The following TOP2B variants were observed in gnomAD, a reference collection of about 807,000 sequenced individuals.
The protein encoded by TOP2B is DNA topoisomerase II beta.
A neutral mutation model predicts 193.5 loss-of-function variants in TOP2B; 51 were observed. The ratio of observed to expected loss-of-function variants is 0.26; its 90% CI spans 0.21 to 0.33. TOP2B has a LOEUF of 0.33. TOP2B is among the 10% of genes least tolerant of loss of function. The pLI is 1.00. For missense variants in TOP2B, 1,378 were observed against 1,909.3 expected (o/e 0.72, Z 5.19); for synonymous variants, 634 against 635.7 (o/e 1.00, Z 0.04).
chr3:25,642,439 A>C (rs11705878), intron 3 of TOP2B, 54 bp from the exon 4 acceptor site: 121,381 of 1,154,556 alleles, frequency 0.11, 7,216 homozygotes, highest in African/African-American at 0.2. Flanking sequence ...AAATAAATAC[A>C]TGGACACAAC....
chr3:25,629,253 T>C, intron 13 of TOP2B, 108 bp from the exon 14 acceptor site: 1 of 715,324 alleles, frequency 1.4e-6, no homozygotes, highest in Non-Finnish European at 2.2e-6. Flanking sequence ...TTCTGAATTT[T>C]AGAAATGCAT....
intron 21 of TOP2B, among the ~76,000 whole-genome samples, chr3:25,621,925 G>T (rs894372412): frequency 6.6e-6 from 1 of 151,732 alleles, no homozygotes; most frequent in Non-Finnish European, 1.5e-5. Flanking sequence ...GGAGACAGAG[G>T]TTGCAGTGAC....
chr3:25,641,211 T>C (rs139312178), intron 4 of TOP2B, among the ~76,000 whole-genome samples: 2 of 151,914 alleles, frequency 1.3e-5, no homozygotes, highest in Non-Finnish European at 2.9e-5. Flanking sequence ...AACTAAACAA[T>C]TGCAACTATG....
At chr3:25,647,174 T>G (rs1361151597) in intron 1 of TOP2B, among the ~76,000 whole-genome samples, 2 of 152,244 alleles carry the variant, frequency 1.3e-5, no homozygotes, top group Non-Finnish European at 2.9e-5. Context: ...TCTAATCGTA[T>G]TCTTTGCTTT....
chr3:25,640,591 G>A (rs777917659), intron 4 of TOP2B, among the ~76,000 whole-genome samples: 37 of 151,978 alleles, frequency 2.4e-4, no homozygotes, highest in Non-Finnish European at 1.9e-4. Flanking sequence ...AATGTTTGCT[G>A]ATTAAAAACA....
In TOP2B at chr3:25,643,874, T is replaced by C. The variant is rs754155684; in HGVS notation, c.241-90A>G. ...AATCCACATCCTGTCATTTACACTA[T>C]ATGAATACTTAGATCTGCAAAGTAG... On this transcript the variant is annotated intron_variant, in intron 2 of 35. Transcript: ENST00000264331. 4.0e-4 allele frequency: 350 copies of C among 867,430 alleles called. 1 individual carries two copies. The highest frequency in any genetic ancestry group is 5.7e-4 in the Non-Finnish European group (304 of 533,754). 53.7% of individuals were successfully genotyped at this position (867,430 alleles called of 1,614,324 possible).
At chr3:25,632,643 T>G in intron 9 of TOP2B, 50 bp downstream of exon 9, 1 of 1,600,866 alleles carries the variant, frequency 6.2e-7, no homozygotes, top group African/African-American at 1.3e-5. Context: ...ATTCAGTATA[T>G]ATATAATGCA....
rs1042845339 is a variant in TOP2B, at chr3:25,614,802, T to C, written c.3591+403A>G. The stretch of plus-strand genomic sequence containing the variant: ...TTAGAATTCTACTTGGAAAAAACTA[T>C]GTTATAACAATCAAATATTGAAATG... On this transcript the variant is annotated intron_variant, in intron 27 of 35. Transcript: ENST00000264331. Among the ~76,000 whole-genome samples, 10 of 152,038 alleles carry C rather than the reference T, an allele frequency of 6.6e-5. 1 individual carries two copies. Among genetic ancestry groups the C allele is most frequent in the Admixed American group, 5.9e-4 (9 of 15,260 alleles).
At chr3:25,651,476 G>C (rs1408254429) in intron 1 of TOP2B, among the ~76,000 whole-genome samples, 1 of 144,886 alleles carries the variant, frequency 6.9e-6, no homozygotes, top group African/African-American at 2.6e-5. Flanking sequence ...AAACACAAAA[G>C]AAGGCAGCAA....
At chr3:25,660,998 A>ATTT (rs11460770) in intron 1 of TOP2B, among the ~76,000 whole-genome samples, 81 of 131,452 alleles carry the variant, frequency 6.2e-4, no homozygotes, top group African/African-American at 2.2e-3. Context: ...TCTTAGGTTG[A>ATTT]TTTTTTTTTT....
Position 25,615,295 on chromosome 3 carries a change from T to C in TOP2B, c.3508-7A>G. ...GATCATTGACCTCTCGCCCCTATAA[T>C]AAAAAAGTACAGTTTAAACATTCAA... On this transcript the variant is annotated splice_polypyrimidine_tract_variant and splice_region_variant and intron_variant, in intron 26 of 35. Transcript: ENST00000264331. 1 of 1,604,002 alleles carries C rather than the reference T, an allele frequency of 6.2e-7. No individual in the cohort carries two copies. Among genetic ancestry groups the C allele is most frequent in the Non-Finnish European group, 8.5e-7 (1 of 1,176,124 alleles).
At chr3:25,630,577 A>G (rs1451331795) in intron 11 of TOP2B, 108 bp from the exon 12 acceptor site, 36 of 988,332 alleles carry the variant, frequency 3.6e-5, no homozygotes, top group African/African-American at 3.3e-5. Flanking sequence ...AAAGACTATA[A>G]AAGTTATTTT....
rs1702718444 is a variant in TOP2B, at chr3:25,623,553, C to A, written c.2689G>T (p.Val897Phe). Residue 897 changes from valine to phenylalanine, a missense_variant, in exon 21 of 36, where the codon GTC (valine) becomes TTC (phenylalanine). By Grantham distance (50) the Val-to-Phe change is conservative. Around this residue, in one of 9 missense-constraint regions of TOP2B, gnomAD observed 379 missense variants for 615.1 expected, o/e 0.62. Transcript: ENST00000264331. Reference protein sequence around the residue: ...NYDAREIVNNVRRMLDGLDPH... With the variant: ...NYDAREIVNNFRRMLDGLDPH... ...TCCAGGCCATCTAGCATTCGTCTGA[C>A]ATTGTTCACAATTTCCCTAGCATCA... is the stretch of plus-strand genomic sequence containing the variant. 1.9e-6 allele frequency: 3 copies of A among 1,613,958 alleles called. No individual in the cohort carries two copies. In the East Asian group the frequency reaches 6.7e-5, roughly 36 times the overall value.
chr3:25,651,121 T>C lies in TOP2B; in HGVS notation c.70-5651A>G, dbSNP rs930692713. 3.3e-5 allele frequency among the ~76,000 whole-genome samples: 5 copies of C among 152,200 alleles called. No individual in the cohort carries two copies. The East Asian group carries it at 5.8e-4, about 18-fold the overall frequency. On this transcript the variant is annotated intron_variant, in intron 1 of 35. Coordinates refer to ENST00000264331, the MANE Select transcript of TOP2B (RefSeq NM_001330700.2). ...ATGAACTTTTTGAAGACTATTTGTATACAGACAAATATGGCATCTTCTAGT... is the reference window on the plus strand; with the variant it reads ...ATGAACTTTTTGAAGACTATTTGTACACAGACAAATATGGCATCTTCTAGT...
rs371790869 is a variant in TOP2B at position 25,619,927 on chromosome 3, G to C, written c.2998C>G (p.Gln1000Glu). ...TTATGCAGTCCAGCAGCTTCTGCTT[G>C]TGCTAGTTTCTCTTCAGTCATTTTC... ...VVKMTEEKLA[Q>E]AEAAGLHKVF... Residue 1000 changes from glutamine to glutamate, a missense_variant, in exon 23 of 36, where the codon CAA becomes GAA. By Grantham distance (29) the Gln-to-Glu change is conservative. Around this residue, in one of 9 missense-constraint regions of TOP2B, gnomAD observed 379 missense variants for 615.1 expected, o/e 0.62. Coordinates refer to ENST00000264331, the MANE Select transcript of TOP2B (RefSeq NM_001330700.2). 24 of 1,613,102 alleles carry C rather than the reference G, an allele frequency of 1.5e-5. No individual in the cohort carries two copies. The highest frequency in any genetic ancestry group is 1.9e-5 in the Non-Finnish European group (23 of 1,179,680).
At chr3:25,631,257 C>CCA (rs1424996203) in intron 10 of TOP2B, among the ~76,000 whole-genome samples, 1 of 152,024 alleles carries the variant, frequency 6.6e-6, no homozygotes, top group Non-Finnish European at 1.5e-5. Flanking sequence ...GAAAACAGAT[C>CCA]CACACATGAA....
chr3:25,662,238 CTAAA>C (rs2125414353), intron 1 of TOP2B, among the ~76,000 whole-genome samples: 1 of 152,310 alleles, frequency 6.6e-6, no homozygotes, highest in South Asian at 2.1e-4. Context: ...AAAAGTCCAA[CTAAA>C]TGTGTTGGAG....
intron 28 of TOP2B, among the ~76,000 whole-genome samples, chr3:25,610,234 C>T (rs1470610598): frequency 6.6e-6 from 1 of 151,918 alleles, no homozygotes; most frequent in Non-Finnish European, 1.5e-5. Flanking sequence ...TAACATGTGT[C>T]TTGCACTGCT....
At chr3:25,654,072 T>C (rs66670641) in intron 1 of TOP2B, among the ~76,000 whole-genome samples, 54,075 of 151,950 alleles carry the variant, frequency 0.36, 10,355 homozygotes, top group African/African-American at 0.5. Flanking sequence ...CCCAATATTA[T>C]CAATATTCAA....
Sources: gnomAD v4.1 joint callset for allele counts (sites outside exome capture counted in the v4.1 genomes callset) on GRCh38, gnomAD v4.1.1 for gene constraint, gnomAD v4.1.1 regional missense constraint, MANE v1.5 for transcripts, NCBI Gene and HGNC (gene_info 2026-07-23, HGNC 2026-07-21) for gene names.